CUX1: variants seen among roughly 807,000 people sequenced by gnomAD.
CUX1 encodes the protein cut like homeobox 1, also known as protein CASP.
A neutral mutation model predicts 158.8 loss-of-function variants in CUX1; 31 were observed. That is an observed-to-expected ratio of 0.20 (90% CI 0.15 to 0.26). CUX1 has a LOEUF of 0.26. Ranked by LOEUF, CUX1 falls within the 10% of genes least tolerant of loss-of-function variation. CUX1 has a pLI of 1.00. For synonymous variants in CUX1, 879 were observed against 862.1 expected (o/e 1.02, Z -0.34); for missense variants, 1,589 against 2,014.6 (o/e 0.79, Z 4.04).
At chr7:102,181,863 G>A (rs1413746277) in intron 11 of CUX1, among the ~76,000 whole-genome samples, 5 of 152,132 alleles carry the variant, frequency 3.3e-5, no homozygotes, top group African/African-American at 1.2e-4. Flanking sequence ...TGTGTATAAT[G>A]TATAGCCTCA....
intron 21 of CUX1, among the ~76,000 whole-genome samples, chr7:102,229,052 A>G (rs556434812): frequency 1.3e-5 from 2 of 152,286 alleles, no homozygotes; most frequent in African/African-American, 4.8e-5. Flanking sequence ...GACTGGTAAT[A>G]ATAGTCATTG....
At chr7:101,913,310 T>C in intron 1 of CUX1, 1 of 1,227,632 alleles carries the variant, frequency 8.1e-7, no homozygotes, top group Non-Finnish European at 1.1e-6. Context: ...GAGACCCCCG[T>C]GGGTTTCCCA....
intron 8 of CUX1, among the ~76,000 whole-genome samples, chr7:102,123,836 T>A (rs1265240764): frequency 1.3e-5 from 2 of 152,008 alleles, no homozygotes; most frequent in African/African-American, 4.8e-5. Flanking sequence ...CTAATTTTTG[T>A]ATTTTTAGTA....
At chr7:102,226,132 G>A (rs1352388087) in intron 20 of CUX1, among the ~76,000 whole-genome samples, 5 of 152,210 alleles carry the variant, frequency 3.3e-5, no homozygotes, top group Non-Finnish European at 4.4e-5. Context: ...AGGCCAGAGG[G>A]ATCACTCACC....
At chr7:102,027,389 C>G (rs1358790347) in intron 2 of CUX1, among the ~76,000 whole-genome samples, 65 of 152,146 alleles carry the variant, frequency 4.3e-4, no homozygotes, top group Non-Finnish European at 4.4e-5. Flanking sequence ...AAAGAAGAGG[C>G]AGCTAAAATA....
chr7:101,833,134 T>C (rs1794244016), intron 1 of CUX1, among the ~76,000 whole-genome samples: 1 of 151,772 alleles, frequency 6.6e-6, no homozygotes. Context: ...TACAGTGGCT[T>C]ACACCTGTAA....
At chr7:102,206,455 G>A (rs1795955825) in intron 20 of CUX1, among the ~76,000 whole-genome samples, 1 of 152,178 alleles carries the variant, frequency 6.6e-6, no homozygotes, top group South Asian at 2.1e-4. Context: ...AGCTGTTTGT[G>A]CTGGAGTTTT....
chr7:102,111,169 C>A (rs1430426362), intron 6 of CUX1, among the ~76,000 whole-genome samples: 1 of 151,726 alleles, frequency 6.6e-6, no homozygotes, highest in Non-Finnish European at 1.5e-5. Context: ...ACTTAGAGAT[C>A]CTGGGAAATC....
At chr7:101,827,976 T>G (rs1793556615) in intron 1 of CUX1, among the ~76,000 whole-genome samples, 1 of 145,770 alleles carries the variant, frequency 6.9e-6, no homozygotes, top group Non-Finnish European at 1.5e-5. Flanking sequence ...ATAACTTGTT[T>G]TTTTTTTTTT....
intron 9 of CUX1, chr7:102,161,006 C>T (rs1214538654): frequency 6.6e-6 from 1 of 152,150 alleles, no homozygotes; most frequent in Non-Finnish European, 1.5e-5. Context: ...TTAGCTAATG[C>T]TTCCTTTGCA....
chr7:102,183,572 A>G (rs1424955309), intron 11 of CUX1, among the ~76,000 whole-genome samples: 1 of 152,124 alleles, frequency 6.6e-6, no homozygotes, highest in Admixed American at 6.5e-5. Flanking sequence ...TTATCTATGG[A>G]GAGTCCTTGT....
chr7:101,889,350 C>G (rs1004254471), intron 1 of CUX1, among the ~76,000 whole-genome samples: 1 of 151,998 alleles, frequency 6.6e-6, no homozygotes, highest in South Asian at 2.1e-4. Context: ...TTCTAAAGCC[C>G]TGTGGCTTTT....
chr7:101,944,423 T>C (rs1231759758), intron 2 of CUX1, among the ~76,000 whole-genome samples: 2 of 152,110 alleles, frequency 1.3e-5, no homozygotes, highest in Non-Finnish European at 2.9e-5. Flanking sequence ...CCTACCAAGG[T>C]CTGGGGGAAG....
chr7:102,015,180 G>A (rs189744463), intron 2 of CUX1, among the ~76,000 whole-genome samples: 6 of 152,276 alleles, frequency 3.9e-5, no homozygotes, highest in Non-Finnish European at 7.4e-5. Flanking sequence ...GCATCCAGGC[G>A]GTGAAACAAA....
intron 1 of CUX1, among the ~76,000 whole-genome samples, chr7:101,824,086 C>T (rs949354252): frequency 7.3e-4 from 111 of 152,068 alleles, no homozygotes; most frequent in African/African-American, 2.4e-3. Flanking sequence ...CGAATATCAA[C>T]TCTTTTTATT....
intron 3 of CUX1, among the ~76,000 whole-genome samples, chr7:102,043,956 A>G (rs1452200314): frequency 6.6e-6 from 1 of 152,094 alleles, no homozygotes; most frequent in African/African-American, 2.4e-5. Context: ...GATGTTGAGC[A>G]GCTTTTCATA....
At chr7:102,160,037 C>T (rs887457095) in intron 9 of CUX1, among the ~76,000 whole-genome samples, 3 of 151,006 alleles carry the variant, frequency 2.0e-5, no homozygotes, top group African/African-American at 7.3e-5. Flanking sequence ...AAAAATTAGC[C>T]GGGTGCGGTG....
chr7:101,959,385 T>A (rs1260778608), intron 2 of CUX1: 1 of 152,018 alleles, frequency 6.6e-6, no homozygotes, highest in Admixed American at 6.6e-5. Flanking sequence ...TTTTCCTATT[T>A]CTCTCCCTCC....
intron 14 of CUX1, among the ~76,000 whole-genome samples, chr7:102,272,007 G>A (rs1276050941): frequency 6.6e-6 from 1 of 152,204 alleles, no homozygotes; most frequent in Non-Finnish European, 1.5e-5. Flanking sequence ...GGGTGACTGA[G>A]TGAGACTCTG....
Sources: allele counts gnomAD v4.1 joint callset (sites outside exome capture counted in the v4.1 genomes callset), GRCh38; gene constraint gnomAD v4.1.1; transcripts MANE v1.5; gene names NCBI Gene and HGNC (gene_info 2026-07-23, HGNC 2026-07-21).